The following FANCI variants were observed in gnomAD, a reference collection of about 807,000 sequenced individuals.
The protein encoded by FANCI is Fanconi anemia group I protein.
A neutral mutation model predicts 176.1 loss-of-function variants in FANCI; 156 were observed. The ratio of observed to expected loss-of-function variants is 0.89; its 90% confidence interval spans 0.78 to 1.01. The LOEUF is 1.01. Ranked by LOEUF, FANCI falls within the 50% of genes least tolerant of loss-of-function variation. The probability of loss-of-function intolerance (pLI) is 0.00; values close to 1 mark genes in which losing one functional copy is unlikely to be tolerated. For synonymous variants in FANCI, 613 were observed against 541.7 expected, an observed-to-expected ratio of 1.13 and a Z score of -1.83; for missense variants, 1,678 against 1,534.1, an observed-to-expected ratio of 1.09 and a Z score of -1.57.
intron 4 of FANCI, 91 bp downstream of exon 4, chr15:89,260,934 GC>G (rs1409519759): frequency 6.7e-7 from 1 of 1,481,552 alleles, no homozygotes; most frequent in Non-Finnish European, 9.4e-7. Flanking sequence ...GCCCAACCTA[GC>G]ATAGTCCTTA....
At position 89,285,196 on chromosome 15, in the gene FANCI, A is replaced by G; in HGVS notation, c.1799A>G (p.Asp600Gly). The G allele has an allele frequency of 6.2e-7, 1 of 1,614,186 alleles. No individual in the cohort carries two copies. Residue 600 changes from aspartate (D) to glycine (G), a missense_variant, in exon 18 of 38, where the codon GAT becomes GGT. Physicochemically the swap from Asp to Gly is moderately conservative, Grantham distance 94 (BLOSUM62 -1). Coordinates refer to ENST00000310775, the MANE Select transcript of FANCI (RefSeq NM_001113378.2). ...AGGAGATGCTTAAGCCAGCAAGCTG[A>G]TGTTCGACTCATGCTTTATGAGGTA... ...SLRRCLSQQA[D>G]VRLMLYEGFY...
intron 25 of FANCI, 87 bp from the exon 26 acceptor site, chr15:89,300,213 T>A (rs1364811703): frequency 7.5e-7 from 1 of 1,327,986 alleles, no homozygotes; most frequent in African/African-American, 1.5e-5. Flanking sequence ...TTAGACTTTT[T>A]TTTGGCTTTC....
chr15:89,273,512 A>C lies in FANCI; in HGVS notation c.975+43A>C, dbSNP rs763860993. On this transcript the variant is annotated intron_variant, in intron 11 of 37. Transcript: ENST00000310775. The stretch of plus-strand genomic sequence containing the variant: ...CATTTTGTTTCTTTCTGTAGTTGGT[A>C]AAAAAAAAAAAAAAAAAAAAAAATC... 0.052 allele frequency: 3,738 copies of C among 71,874 alleles called. 113 individuals are homozygous for C. The highest frequency in any genetic ancestry group is 0.19 in the African/African-American group (3,347 of 17,340). 4.5% of individuals were successfully genotyped at this position (71,874 alleles called of 1,614,324 possible). A position where few individuals can be genotyped will look rare whatever the true frequency, so the allele number is the denominator to read the frequency against.
chr15:89,257,073 AT>A (rs377145940), intron 2 of FANCI, among the ~76,000 whole-genome samples: 3 of 151,880 alleles, frequency 2.0e-5, no homozygotes, highest in African/African-American at 7.3e-5. Flanking sequence ...CGCCCGGCTA[AT>A]TTTTTGTATT....
At chr15:89,255,654 C>G (rs1448427178) in intron 2 of FANCI, among the ~76,000 whole-genome samples, 2 of 152,150 alleles carry the variant, frequency 1.3e-5, no homozygotes, top group Admixed American at 6.5e-5. Context: ...GAGGAATGTT[C>G]TATTTTTTAA....
At chr15:89,300,872 G>A (rs73472607) in intron 26 of FANCI, among the ~76,000 whole-genome samples, 3,251 of 152,268 alleles carry the variant, frequency 0.021, 100 homozygotes, top group African/African-American at 0.072. Flanking sequence ...ATGTAGCAGG[G>A]AACAAAAGAG....
rs901102009 is a variant in FANCI, at chr15:89,293,815, C to G, written c.2292-18C>G. The G allele has an allele frequency of 6.2e-7, 1 of 1,612,434 alleles. No individual in the cohort carries two copies. The highest frequency in any genetic ancestry group is 1.3e-5 in the African/African-American group (1 of 74,848). ...TTCTGATGTTTGTCCTTAGCGGTCT[C>G]TTTTTTGTTTTTTACAGTAAGAATA... On this transcript the variant is annotated intron_variant, in intron 22 of 37. Coordinates refer to ENST00000310775, the MANE Select transcript of FANCI (RefSeq NM_001113378.2).
chr15:89,245,648 C>G (rs2051931886), intron 1 of FANCI: 1 of 152,038 alleles, frequency 6.6e-6, no homozygotes, highest in African/African-American at 2.4e-5. Flanking sequence ...GCAGAAAGAA[C>G]TTGGAGATTT....
chr15:89,282,617 C>T (rs969339663), intron 16 of FANCI: 6 of 181,584 alleles, frequency 3.3e-5, no homozygotes, highest in African/African-American at 1.4e-4. Context: ...GTTTTTGTTA[C>T]TCCTCACCCA....
At chr15:89,314,225 G>C (rs774868103) in intron 35 of FANCI, among the ~76,000 whole-genome samples, 1 of 152,090 alleles carries the variant, frequency 6.6e-6, no homozygotes, top group Non-Finnish European at 1.5e-5. Context: ...ATTCACGTTA[G>C]GGGGAAAGAT....
intron 3 of FANCI, among the ~76,000 whole-genome samples, chr15:89,260,483 T>C (rs1363887072): frequency 1.3e-5 from 2 of 152,244 alleles, no homozygotes; most frequent in Admixed American, 1.3e-4. Flanking sequence ...CTTCATCCTG[T>C]AATTATTAAA....
In FANCI at chr15:89,293,816, T is replaced by G; in HGVS notation, c.2292-17T>G. The G allele has an allele frequency of 6.2e-7, 1 of 1,612,382 alleles. No homozygotes were observed. Among genetic ancestry groups the G allele is most frequent in the Non-Finnish European group, 8.5e-7 (1 of 1,179,216 alleles). On this transcript the variant is annotated splice_polypyrimidine_tract_variant and intron_variant, in intron 22 of 37. Coordinates refer to ENST00000310775, the MANE Select transcript of FANCI (RefSeq NM_001113378.2). ...TCTGATGTTTGTCCTTAGCGGTCTC[T>G]TTTTTGTTTTTTACAGTAAGAATAG... is the stretch of plus-strand genomic sequence containing the variant.
rs202231175 is a variant in FANCI at position 89,312,894 on chromosome 15, A to G, written c.3652-10A>G. 2.8e-4 allele frequency: 452 copies of G among 1,608,458 alleles called. No individual in the cohort carries two copies. The highest frequency in any genetic ancestry group is 3.4e-4 in the Non-Finnish European group (404 of 1,175,286). On this transcript the variant is annotated splice_polypyrimidine_tract_variant and intron_variant, in intron 34 of 37. Coordinates refer to ENST00000310775, the MANE Select transcript of FANCI (RefSeq NM_001113378.2). ...ATCAGGAATAAGAGAATGTGTTTCTATTTCTTTAGAATAAGAGTAAGAGCC... is the reference window on the plus strand; with the variant it reads ...ATCAGGAATAAGAGAATGTGTTTCTGTTTCTTTAGAATAAGAGTAAGAGCC...
Position 89,260,500 on chromosome 15 carries a change from G to A in FANCI, c.158-213G>A, listed in dbSNP as rs74031425. Among the ~76,000 whole-genome samples, 5,264 of 152,234 alleles carry A rather than the reference G, an allele frequency of 0.035. 298 individuals are homozygous for A. Among genetic ancestry groups the A allele is most frequent in the African/African-American group, 0.12 (4,900 of 41,522 alleles). ...TCATCCTGTAATTATTAAAATAATA[G>A]GTAGATGAAGAAAAGATGACATTTT... On this transcript the variant is annotated intron_variant, in intron 3 of 37. Coordinates refer to ENST00000310775, the MANE Select transcript of FANCI (RefSeq NM_001113378.2).
chr15:89,278,686 G>T lies in FANCI; in HGVS notation c.1294-1G>T, dbSNP rs768595603. 2 of 1,611,470 alleles carry T rather than the reference G, an allele frequency of 1.2e-6. No homozygotes were observed. The highest frequency in any genetic ancestry group is 1.7e-6 in the Non-Finnish European group (2 of 1,177,724). On this transcript the variant is annotated splice_acceptor_variant, in intron 13 of 37. Coordinates refer to ENST00000310775, the MANE Select transcript of FANCI (RefSeq NM_001113378.2). LOFTEE classifies it high-confidence loss of function. The stretch of plus-strand genomic sequence containing the variant: ...TATTTTATTTATTCTGTTCTTTTTA[G>T]ATCCATGAGATGATCAGACAAGAAA...
intron 14 of FANCI, among the ~76,000 whole-genome samples, chr15:89,279,207 G>A (rs921716450): frequency 8.5e-5 from 13 of 152,172 alleles, no homozygotes; most frequent in African/African-American, 3.1e-4. Context: ...CTGTTGCCTG[G>A]AGTGCAGTGG....
At chr15:89,281,647 C>T (rs991096564) in intron 15 of FANCI, 118 bp from the exon 16 acceptor site, 14 of 951,168 alleles carry the variant, frequency 1.5e-5, no homozygotes, top group East Asian at 2.4e-5. Context: ...AACATTAAAA[C>T]GTATATAAAA....
chr15:89,284,728 A>T (rs1275518494), intron 17 of FANCI, among the ~76,000 whole-genome samples: 1 of 152,180 alleles, frequency 6.6e-6, no homozygotes, highest in Non-Finnish European at 1.5e-5. Flanking sequence ...GAATTTGTGG[A>T]ATAGTGAGAT....
intron 6 of FANCI, among the ~76,000 whole-genome samples, chr15:89,263,167 C>G (rs2052787324): frequency 6.6e-6 from 1 of 152,218 alleles, no homozygotes; most frequent in Non-Finnish European, 1.5e-5. Flanking sequence ...CATACATTCC[C>G]TAAAACGGTA....
Sources: gnomAD v4.1 joint callset for allele counts (sites outside exome capture counted in the v4.1 genomes callset) on GRCh38, gnomAD v4.1.1 for gene constraint, MANE v1.5 for transcripts, NCBI Gene and HGNC (gene_info 2026-07-23, HGNC 2026-07-21) for gene names.